Variants in PTPRG observed in about 807,000 individuals in gnomAD.
The protein encoded by PTPRG is receptor-type tyrosine-protein phosphatase gamma.
A neutral mutation model predicts 165.3 loss-of-function variants in PTPRG; 102 were observed. That is an observed-to-expected ratio of 0.62 (90% CI 0.53 to 0.73). The LOEUF (loss-of-function observed/expected upper bound fraction) is 0.73, where lower values mean the gene tolerates loss of function less well. Among genes scored for constraint, PTPRG ranks in the 30% least tolerant of loss-of-function variants. The pLI, the probability that PTPRG is intolerant of heterozygous loss-of-function variation, is 0.00. For synonymous variants in PTPRG, 675 were observed against 669.5 expected, an observed-to-expected ratio of 1.01 and a Z score of -0.13; for missense variants, 1,866 against 1,861.4, an observed-to-expected ratio of 1.00 and a Z score of -0.05.
rs879207409 is a variant in PTPRG, at chr3:62,256,176, T to G, written c.2559+961T>G. Among the ~76,000 whole-genome samples the G allele has an allele frequency of 5.3e-5, 8 of 152,118 alleles. 1 individual carries two copies. Among genetic ancestry groups the G allele is most frequent in the Admixed American group, 5.2e-4 (8 of 15,266 alleles). ...TACCCATCTCTTTCAACAAAATTGG[T>G]TACAGGGCAAAATGAAGTAATGGAA... is the stretch of plus-strand genomic sequence containing the variant. On this transcript the variant is annotated intron_variant, in intron 16 of 29. Transcript: ENST00000474889.
rs368504267 is a variant in PTPRG, at chr3:61,879,837, A to G, written c.191-109788A>G. The stretch of plus-strand genomic sequence containing the variant: ...TTATATCCTTCTACTATCTGTATGT[A>G]TATTTTTATCCTAGCTCAGCTCCGT... On this transcript the variant is annotated intron_variant, in intron 2 of 29. Coordinates refer to ENST00000474889, the MANE Select transcript of PTPRG (RefSeq NM_002841.4). Among the ~76,000 whole-genome samples the G allele has an allele frequency of 6.9e-4, 105 of 152,286 alleles. 2 individuals carry two copies. The highest frequency in any genetic ancestry group is 2.4e-3 in the African/African-American group (99 of 41,560).
intron 2 of PTPRG, among the ~76,000 whole-genome samples, chr3:61,813,975 A>G (rs1187796985): frequency 6.8e-6 from 1 of 147,960 alleles, no homozygotes; most frequent in African/African-American, 2.5e-5. Context: ...GTCTTGGCTC[A>G]CTGCAACCTT....
intron 1 of PTPRG, among the ~76,000 whole-genome samples, chr3:61,570,949 C>T (rs1000032745): frequency 1.3e-5 from 2 of 152,088 alleles, no homozygotes; most frequent in African/African-American, 4.8e-5. Context: ...GGCGCTGGGG[C>T]TCTGGGAGTT....
At chr3:61,643,682 T>C (rs1702124126) in intron 1 of PTPRG, among the ~76,000 whole-genome samples, 1 of 151,706 alleles carries the variant, frequency 6.6e-6, no homozygotes, top group Non-Finnish European at 1.5e-5. Context: ...AGAATTGCTC[T>C]AACCAGGGAG....
At chr3:62,091,918 G>T (rs1170727876) in intron 5 of PTPRG, among the ~76,000 whole-genome samples, 1 of 151,986 alleles carries the variant, frequency 6.6e-6, no homozygotes, top group Non-Finnish European at 1.5e-5. Context: ...CTTCTCTCTT[G>T]TGTCCCTTCT....
chr3:61,577,628 T>C (rs768178335), intron 1 of PTPRG, among the ~76,000 whole-genome samples: 2 of 152,272 alleles, frequency 1.3e-5, no homozygotes, highest in Non-Finnish European at 2.9e-5. Context: ...TACTGTTTCA[T>C]GTGACTACCA....
At chr3:61,814,349 A>C (rs1004546749) in intron 2 of PTPRG, among the ~76,000 whole-genome samples, 14 of 152,174 alleles carry the variant, frequency 9.2e-5, no homozygotes, top group Non-Finnish European at 1.9e-4. Context: ...GTTCATAACC[A>C]CTGGAGTATT....
At chr3:61,876,573 A>G (rs2037745191) in intron 2 of PTPRG, among the ~76,000 whole-genome samples, 1 of 152,152 alleles carries the variant, frequency 6.6e-6, no homozygotes, top group African/African-American at 2.4e-5. Flanking sequence ...TTATTTTTTT[A>G]AAAAGTAATA....
chr3:61,703,337 C>A (rs1050498543), intron 1 of PTPRG, among the ~76,000 whole-genome samples: 2 of 152,098 alleles, frequency 1.3e-5, no homozygotes, highest in Non-Finnish European at 2.9e-5. Context: ...ATTGATTTAG[C>A]CGAAAGGGTT....
At chr3:62,206,310 C>G (rs551988641) in intron 12 of PTPRG, among the ~76,000 whole-genome samples, 2 of 152,226 alleles carry the variant, frequency 1.3e-5, no homozygotes, top group African/African-American at 4.8e-5. Flanking sequence ...TCGGCTTCCA[C>G]CCTACAGAAA....
intron 1 of PTPRG, among the ~76,000 whole-genome samples, chr3:61,728,108 C>A (rs887308752): frequency 1.3e-5 from 2 of 152,112 alleles, no homozygotes; most frequent in Non-Finnish European, 2.9e-5. Context: ...ATTTGCCTAG[C>A]GTGCTGGCAA....
At chr3:61,929,423 C>T (rs986657266) in intron 2 of PTPRG, among the ~76,000 whole-genome samples, 1 of 152,128 alleles carries the variant, frequency 6.6e-6, no homozygotes, top group Non-Finnish European at 1.5e-5. Flanking sequence ...TTTCAAGTGA[C>T]CCCGTATTTA....
At chr3:61,818,227 A>G (rs955147779) in intron 2 of PTPRG, among the ~76,000 whole-genome samples, 2 of 152,212 alleles carry the variant, frequency 1.3e-5, no homozygotes, top group Non-Finnish European at 2.9e-5. Flanking sequence ...AGCACTCATA[A>G]AAGAGTTGAA....
intron 2 of PTPRG, among the ~76,000 whole-genome samples, chr3:61,829,385 G>A (rs940877660): frequency 6.6e-6 from 1 of 152,206 alleles, no homozygotes; most frequent in Non-Finnish European, 1.5e-5. Flanking sequence ...TTCTGTTTCC[G>A]TGGCCAGGGC....
intron 5 of PTPRG, among the ~76,000 whole-genome samples, chr3:62,111,335 T>G (rs2064962103): frequency 6.6e-6 from 1 of 152,204 alleles, no homozygotes; most frequent in African/African-American, 2.4e-5. Flanking sequence ...ATGCTCCACC[T>G]CGATCAAGTC....
intron 2 of PTPRG, among the ~76,000 whole-genome samples, chr3:61,827,756 T>C (rs2036153069): frequency 6.6e-6 from 1 of 152,226 alleles, no homozygotes; most frequent in Non-Finnish European, 1.5e-5. Context: ...ATCAAGTAGA[T>C]AAAATACAAG....
intron 4 of PTPRG, among the ~76,000 whole-genome samples, chr3:62,066,765 C>T (rs191103674): frequency 2.6e-5 from 4 of 152,206 alleles, no homozygotes; most frequent in East Asian, 3.9e-4. Context: ...CCTGGCTGGG[C>T]GCGGTGGCTC....
chr3:61,817,115 T>TACATATGTATTACACATAATACATATA (rs1399511369), intron 2 of PTPRG, among the ~76,000 whole-genome samples: 2 of 132,428 alleles, frequency 1.5e-5, no homozygotes, highest in Admixed American at 9.0e-5. Flanking sequence ...TATTACATAT[T>TACATATGTATTACACATAATACATATA]ACATATGTAT....
chr3:62,102,574 A>AC (rs1702330039), intron 5 of PTPRG, among the ~76,000 whole-genome samples: 1 of 152,134 alleles, frequency 6.6e-6, no homozygotes, highest in African/African-American at 2.4e-5. Flanking sequence ...CCCGGCCTGG[A>AC]CACCTTTCTT....
Sources: allele counts gnomAD v4.1 joint callset (sites outside exome capture counted in the v4.1 genomes callset), GRCh38; gene constraint gnomAD v4.1.1; transcripts MANE v1.5; gene names NCBI Gene and HGNC (gene_info 2026-07-23, HGNC 2026-07-21).